ARHGAP32: variants seen among roughly 807,000 people sequenced by gnomAD.
ARHGAP32 encodes rho GTPase-activating protein 32.
Under a neutral mutation model 186.5 loss-of-function variants are expected in ARHGAP32, and 51 were observed. The ratio of observed to expected loss-of-function variants is 0.27; its 90% confidence interval spans 0.22 to 0.35. The LOEUF (loss-of-function observed/expected upper bound fraction) is 0.35, where lower values mean the gene tolerates loss of function less well. Ranked by LOEUF, ARHGAP32 falls within the 10% of genes least tolerant of loss-of-function variation. The probability of loss-of-function intolerance (pLI) is 1.00; values close to 1 mark genes in which losing one functional copy is unlikely to be tolerated. For missense variants in ARHGAP32, 2,186 were observed against 2,623.5 expected, an observed-to-expected ratio of 0.83 and a Z score of 3.64; for synonymous variants, 950 against 964.3, an observed-to-expected ratio of 0.99 and a Z score of 0.27.
chr11:128,969,574 T>C lies in ARHGAP32; in HGVS notation c.5639A>G (p.Lys1880Arg). 1 of 1,614,140 alleles carries C rather than the reference T, an allele frequency of 6.2e-7. No individual in the cohort carries two copies. Among genetic ancestry groups the C allele is most frequent in the Non-Finnish European group, 8.5e-7 (1 of 1,180,032 alleles). The change falls in exon 23 of 23, where the codon AAG becomes AGG. Residue 1880 changes from lysine to arginine, a missense_variant. Around this residue, in one of 5 missense-constraint regions of ARHGAP32, gnomAD observed 1,502 missense variants for 1,570.0 expected, o/e 0.96. Transcript: ENST00000682385. The surrounding 1 kb of genome is among the most constrained non-coding windows in gnomAD (Gnocchi z 4.8). ...PQKQSSLRSR[K>R]LPDMGCSLPE... Reference sequence around the variant, plus strand: ...AAGACTGCAGCCCATGTCAGGAAGCTTCCTGCTCCTCAGGCTGCTCTGCTT... The same window carrying C: ...AAGACTGCAGCCCATGTCAGGAAGCCTCCTGCTCCTCAGGCTGCTCTGCTT...
chr11:129,221,495 G>C lies in ARHGAP32; in HGVS notation c.-4-57068C>G, dbSNP rs1214653001. Among the ~76,000 whole-genome samples the C allele has an allele frequency of 1.6e-4, 19 of 119,924 alleles. No homozygotes were observed. In the East Asian group the frequency reaches 2.7e-3, roughly 17 times the overall value. 78.7% of individuals were successfully genotyped at this position (119,924 alleles called of 152,430 possible). On this transcript the variant is annotated intron_variant, in intron 1 of 6. Transcript: ENST00000525234. Reference sequence around the variant, plus strand: ...TTGTCATTACTGTGTGTGTGTGTGTGTGTGTGTGTGTGTGTGTGTGTGTGT... The same window carrying C: ...TTGTCATTACTGTGTGTGTGTGTGTCTGTGTGTGTGTGTGTGTGTGTGTGT...
chr11:129,219,629 G>C (rs1325702864), intron 1 of ARHGAP32, among the ~76,000 whole-genome samples: 1 of 152,050 alleles, frequency 6.6e-6, no homozygotes, highest in African/African-American at 2.4e-5. Flanking sequence ...TTCTGGCCCA[G>C]AAATATTTCT....
chr11:129,154,893 A>G (rs1943366373), intron 2 of ARHGAP32, among the ~76,000 whole-genome samples: 1 of 152,208 alleles, frequency 6.6e-6, no homozygotes, highest in African/African-American at 2.4e-5. Flanking sequence ...AACATTTAAA[A>G]AAAAATTGTA....
chr11:129,020,669 G>A (rs908091196), intron 11 of ARHGAP32, among the ~76,000 whole-genome samples: 4 of 151,980 alleles, frequency 2.6e-5, no homozygotes, highest in Admixed American at 6.6e-5. Flanking sequence ...TCAGGTTGAC[G>A]CTCACAAAGC....
rs557195873 is a variant in ARHGAP32, at chr11:128,999,769, T to C, written c.1046-1301A>G. Among the ~76,000 whole-genome samples, 6 of 152,230 alleles carry C rather than the reference T, an allele frequency of 3.9e-5. No homozygotes were observed. The South Asian group carries it at 8.3e-4, about 21-fold the overall frequency. On this transcript the variant is annotated intron_variant, in intron 11 of 22. Transcript: ENST00000682385. ...GATATCTTCTCACCACCTTACCTTATGAGACTGTCAGCAAATTTAAATGTT... is the reference window on the plus strand; with the variant it reads ...GATATCTTCTCACCACCTTACCTTACGAGACTGTCAGCAAATTTAAATGTT...
At chr11:129,192,005 G>T in intron 1 of ARHGAP32, 78 bp downstream of exon 1, 1 of 1,082,950 alleles carries the variant, frequency 9.2e-7, no homozygotes, top group Non-Finnish European at 1.4e-6. Context: ...AAAAAAGACC[G>T]AAATGCAGAG....
At position 129,093,645 on chromosome 11, in the gene ARHGAP32, G is replaced by C; in HGVS notation, c.507C>G (p.Val169=). The change falls in exon 6 of 23, where the codon GTC becomes GTG. Residue 169 remains valine, a synonymous_variant. Transcript: ENST00000682385. ...MKNGCESKEL[V]YLVQIACQGK... is the part of the protein sequence containing the mutation. ...CCTGACAAGCAATCTGCACGAGGTA[G>C]ACCAGCTCTTTAGATTCACAGCCAT... The C allele has an allele frequency of 6.2e-7, 1 of 1,606,064 alleles. No individual in the cohort carries two copies. The highest frequency in any genetic ancestry group is 2.2e-5 in the East Asian group (1 of 44,772).
chr11:129,211,213 ACTG>A (rs531025562), intron 1 of ARHGAP32, among the ~76,000 whole-genome samples: 19 of 152,248 alleles, frequency 1.2e-4, no homozygotes, highest in African/African-American at 4.6e-4. Flanking sequence ...GTTTTACTAG[ACTG>A]CTATTGCTTT....
At chr11:128,992,189 A>G (rs1277094333) in intron 12 of ARHGAP32, among the ~76,000 whole-genome samples, 3 of 152,148 alleles carry the variant, frequency 2.0e-5, no homozygotes, top group Non-Finnish European at 1.5e-5. Context: ...TGTGCATATC[A>G]TACAACACAG....
At chr11:129,204,748 C>T (rs975380208) in intron 1 of ARHGAP32, among the ~76,000 whole-genome samples, 1 of 152,168 alleles carries the variant, frequency 6.6e-6, no homozygotes, top group South Asian at 2.1e-4. Context: ...CAACTACTTA[C>T]AAAATTACAG....
chr11:129,076,017 A>G (rs765001895), intron 6 of ARHGAP32, among the ~76,000 whole-genome samples: 5 of 152,166 alleles, frequency 3.3e-5, no homozygotes, highest in Non-Finnish European at 5.9e-5. Context: ...CGCCAAAACC[A>G]AGATGGTGAT....
At chr11:129,057,475 A>C (rs551261451) in intron 10 of ARHGAP32, among the ~76,000 whole-genome samples, 43 of 152,184 alleles carry the variant, frequency 2.8e-4, no homozygotes, top group Admixed American at 1.8e-3. Flanking sequence ...TTATGGGCTA[A>C]AAATTGTGCC....
chr11:129,103,833 A>C (rs1339581496), intron 5 of ARHGAP32, among the ~76,000 whole-genome samples: 1 of 152,104 alleles, frequency 6.6e-6, no homozygotes, highest in Admixed American at 6.5e-5. Flanking sequence ...ATTCACAAAT[A>C]AAAATAATCT....
chr11:129,205,034 T>C (rs1296336679), intron 1 of ARHGAP32, among the ~76,000 whole-genome samples: 3 of 152,222 alleles, frequency 2.0e-5, no homozygotes, highest in South Asian at 4.1e-4. Context: ...AGTTAATCAT[T>C]TGAAGAATAA....
chr11:129,002,605 T>C (rs1475113941), intron 11 of ARHGAP32, among the ~76,000 whole-genome samples: 1 of 152,184 alleles, frequency 6.6e-6, no homozygotes, highest in Non-Finnish European at 1.5e-5. Flanking sequence ...CTGATTGCTC[T>C]AGCCAGAACT....
intron 2 of ARHGAP32, among the ~76,000 whole-genome samples, chr11:129,160,827 C>CA: frequency 6.6e-6 from 1 of 152,086 alleles, no homozygotes. Context: ...CATATGGAAC[C>CA]AAAAAAGAGC....
At chr11:129,249,090 A>T (rs772801692) in intron 1 of ARHGAP32, among the ~76,000 whole-genome samples, 5 of 152,204 alleles carry the variant, frequency 3.3e-5, no homozygotes, top group Non-Finnish European at 7.3e-5. Context: ...AAGACAGAGG[A>T]TACATTTAAA....
intron 6 of ARHGAP32, among the ~76,000 whole-genome samples, chr11:129,086,812 C>T (rs1421115965): frequency 7.5e-6 from 1 of 132,758 alleles, no homozygotes; most frequent in Admixed American, 7.6e-5. Flanking sequence ...CAGAGTGAGA[C>T]TCCATCTCAA....
chr11:129,114,457 T>C (rs1272272142), intron 5 of ARHGAP32, among the ~76,000 whole-genome samples: 1 of 152,150 alleles, frequency 6.6e-6, no homozygotes, highest in Non-Finnish European at 1.5e-5. Context: ...TGAGGAAAGA[T>C]TATCTGCTTC....
Sources: allele counts gnomAD v4.1 joint callset (sites outside exome capture counted in the v4.1 genomes callset), GRCh38; gene constraint gnomAD v4.1.1; regional missense constraint gnomAD v4.1.1; non-coding constraint Gnocchi (gnomAD v3.1); transcripts MANE v1.5; gene names NCBI Gene and HGNC (gene_info 2026-07-23, HGNC 2026-07-21).